CADM2: variants seen among roughly 807,000 people sequenced by gnomAD.
CADM2 encodes immunoglobulin superfamily member 4D.
A neutral mutation model predicts 49.8 loss-of-function variants in CADM2; 12 were observed. The observed-to-expected ratio is 0.24, with a 90% CI of 0.15 to 0.39. CADM2 has a LOEUF of 0.39. CADM2 is among the 10% of genes least tolerant of loss of function. The pLI is 1.00. For missense variants in CADM2, 378 were observed against 492.3 expected, an observed-to-expected ratio of 0.77 and a Z score of 2.20; for synonymous variants, 214 against 175.4, an observed-to-expected ratio of 1.22 and a Z score of -1.74.
At chr3:86,001,844 G>T (rs1462208508) in intron 8 of CADM2, among the ~76,000 whole-genome samples, 1 of 152,070 alleles carries the variant, frequency 6.6e-6, no homozygotes, top group Non-Finnish European at 1.5e-5. Context: ...CAAATCTGGA[G>T]CTATGAATTT....
intron 2 of CADM2, among the ~76,000 whole-genome samples, chr3:85,762,883 T>C (rs562956436): frequency 2.6e-5 from 4 of 151,868 alleles, no homozygotes; most frequent in Admixed American, 2.6e-4. Flanking sequence ...TAAATTTAGA[T>C]TTGGACAAAT....
intron 1 of CADM2, among the ~76,000 whole-genome samples, chr3:85,020,942 T>C (rs1182110360): frequency 6.6e-6 from 1 of 152,034 alleles, no homozygotes; most frequent in African/African-American, 2.4e-5. Flanking sequence ...ATGGCATTAA[T>C]TTTTTCTCTT....
At chr3:85,467,770 A>G (rs2107602410) in intron 1 of CADM2, among the ~76,000 whole-genome samples, 1 of 152,152 alleles carries the variant, frequency 6.6e-6, no homozygotes, top group East Asian at 1.9e-4. Context: ...TTTTATCTTA[A>G]TTATTATCTT....
At chr3:85,231,060 A>G (rs1358294120) in intron 1 of CADM2, among the ~76,000 whole-genome samples, 1 of 151,392 alleles carries the variant, frequency 6.6e-6, no homozygotes, top group African/African-American at 2.4e-5. Flanking sequence ...TGATATGGTC[A>G]CCCTTGGCCT....
intron 6 of CADM2, among the ~76,000 whole-genome samples, chr3:85,918,215 C>A (rs1559741523): frequency 1.3e-5 from 2 of 152,160 alleles, no homozygotes; most frequent in Non-Finnish European, 2.9e-5. Flanking sequence ...TGAGAGAAGG[C>A]ATCCCTGTCT....
intron 2 of CADM2, among the ~76,000 whole-genome samples, chr3:85,799,145 G>A (rs1163253258): frequency 6.6e-6 from 1 of 152,172 alleles, no homozygotes; most frequent in African/African-American, 2.4e-5. Flanking sequence ...TGTTGAAGTT[G>A]CTTATCAGCT....
intron 1 of CADM2, among the ~76,000 whole-genome samples, chr3:85,337,024 A>ATATATAT (rs2045106244): frequency 7.3e-6 from 1 of 136,562 alleles, no homozygotes; most frequent in Non-Finnish European, 1.6e-5. Context: ...TATATAAATA[A>ATATATAT]ATATAAATAT....
At chr3:84,963,197 A>T (rs2030703051) in intron 1 of CADM2, among the ~76,000 whole-genome samples, 1 of 152,194 alleles carries the variant, frequency 6.6e-6, no homozygotes, top group Non-Finnish European at 1.5e-5. Context: ...CTCATCATAG[A>T]AAGAGGAAAA....
chr3:85,113,224 C>A (rs925226944), intron 1 of CADM2, among the ~76,000 whole-genome samples: 6 of 152,056 alleles, frequency 3.9e-5, no homozygotes, highest in Non-Finnish European at 8.8e-5. Context: ...TTACTGAATG[C>A]AGAGCTGAAA....
chr3:85,453,054 G>A (rs932783316), intron 1 of CADM2, among the ~76,000 whole-genome samples: 3 of 152,108 alleles, frequency 2.0e-5, no homozygotes, highest in Non-Finnish European at 4.4e-5. Flanking sequence ...GTAGTTCACA[G>A]ATTACAAAAA....
chr3:85,961,839 T>C (rs1724855510), intron 8 of CADM2, among the ~76,000 whole-genome samples, 192 bp downstream of exon 8: 1 of 151,966 alleles, frequency 6.6e-6, no homozygotes, highest in African/African-American at 2.4e-5. Flanking sequence ...GATAAAATTG[T>C]AACATACATA....
intron 1 of CADM2, among the ~76,000 whole-genome samples, chr3:85,474,370 T>G (rs1267510837): frequency 6.6e-5 from 10 of 151,904 alleles, no homozygotes; most frequent in African/African-American, 2.2e-4. Context: ...AATTCTTTGT[T>G]CTGTTGAGAA....
At chr3:85,527,980 A>G (rs1482621860) in intron 1 of CADM2, among the ~76,000 whole-genome samples, 1 of 152,146 alleles carries the variant, frequency 6.6e-6, no homozygotes, top group Non-Finnish European at 1.5e-5. Flanking sequence ...TTAACAATTC[A>G]TTGCTTATAT....
At chr3:85,170,045 C>T (rs980208848) in intron 1 of CADM2, among the ~76,000 whole-genome samples, 2 of 152,060 alleles carry the variant, frequency 1.3e-5, no homozygotes, top group Non-Finnish European at 1.5e-5. Flanking sequence ...CTAAAGAACC[C>T]TCAATAGAAA....
At chr3:85,136,992 T>C (rs1047154368) in intron 1 of CADM2, among the ~76,000 whole-genome samples, 12 of 151,912 alleles carry the variant, frequency 7.9e-5, no homozygotes, top group African/African-American at 2.9e-4. Flanking sequence ...CCAAGAACAA[T>C]TACGTAAAAA....
chr3:85,508,169 C>T (rs80120406), intron 1 of CADM2, among the ~76,000 whole-genome samples: 1 of 152,130 alleles, frequency 6.6e-6, no homozygotes, highest in Non-Finnish European at 1.5e-5. Context: ...AAATAGGCCT[C>T]CATGAGCACG....
At chr3:85,682,926 G>A (rs1325349659) in intron 1 of CADM2, among the ~76,000 whole-genome samples, 3 of 151,992 alleles carry the variant, frequency 2.0e-5, no homozygotes, top group Non-Finnish European at 2.9e-5. Flanking sequence ...GAGCCTAGAA[G>A]ATTTTGGTAG....
chr3:85,761,066 G>A (rs987886458), intron 2 of CADM2, among the ~76,000 whole-genome samples: 5 of 152,010 alleles, frequency 3.3e-5, no homozygotes, highest in South Asian at 2.1e-4. Context: ...GGCAGGAGAC[G>A]AAGTCCCTAT....
chr3:85,691,583 T>C (rs1335348233), intron 1 of CADM2, among the ~76,000 whole-genome samples: 1 of 152,180 alleles, frequency 6.6e-6, no homozygotes, highest in Non-Finnish European at 1.5e-5. Context: ...CTCAGGGATC[T>C]AGAACTAGAA....
Sources: gnomAD v4.1 joint callset for allele counts (sites outside exome capture counted in the v4.1 genomes callset) on GRCh38, gnomAD v4.1.1 for gene constraint, MANE v1.5 for transcripts, NCBI Gene and HGNC (gene_info 2026-07-23, HGNC 2026-07-21) for gene names.